Variants in PAN3 observed in about 807,000 individuals in gnomAD.
PAN3 encodes the protein PAN2-PAN3 deadenylation complex subunit PAN3.
A neutral mutation model predicts 96.2 loss-of-function variants in PAN3; 19 were observed. The ratio of observed to expected loss-of-function variants is 0.20; its 90% CI spans 0.14 to 0.29. The LOEUF (loss-of-function observed/expected upper bound fraction) is 0.29. PAN3 is among the 10% of genes least tolerant of loss of function. The pLI, the probability that PAN3 is intolerant of heterozygous loss-of-function variation, is 1.00. For synonymous variants in PAN3, 433 were observed against 406.6 expected, an observed-to-expected ratio of 1.06 and a Z score of -0.78; for missense variants, 882 against 1,108.1, an observed-to-expected ratio of 0.80 and a Z score of 2.90.
chr13:28,225,290 G>A (rs1052640003), intron 6 of PAN3, among the ~76,000 whole-genome samples: 1 of 152,112 alleles, frequency 6.6e-6, no homozygotes, highest in Non-Finnish European at 1.5e-5. Flanking sequence ...TTTTATGAAC[G>A]TTGTAGACTA....
In PAN3 at chr13:28,176,519, A is replaced by G. The variant is rs142746603; in HGVS notation, c.579A>G (p.Pro193=). The change falls in exon 3 of 19, where the codon CCA becomes CCG. Residue 193 remains proline, a synonymous_variant. Transcript: ENST00000380958. The part of the protein sequence containing the change: ...MQRMTNSSSS[P]SLLNDSAKPY... ...GAATGACTAATAGTAGCAGCTCCCC[A>G]AGCCTTCTAAATGACAGTGCCAAGC... 6.4e-5 allele frequency: 103 copies of G among 1,613,978 alleles called. No individual in the cohort carries two copies. The African/African-American group carries it at 1.2e-3, about 19-fold the overall frequency.
At chr13:28,239,708 T>G (rs1245919209) in intron 6 of PAN3, 2 of 1,260,062 alleles carry the variant, frequency 1.6e-6, no homozygotes, top group African/African-American at 1.5e-5. Context: ...TCTGTTTGTT[T>G]AACTGAAGGG....
intron 1 of PAN3, among the ~76,000 whole-genome samples, chr13:28,160,980 G>A (rs1309487466): frequency 7.2e-5 from 11 of 152,234 alleles, no homozygotes; most frequent in East Asian, 5.8e-4. Flanking sequence ...TAATTTCTTC[G>A]AATAGTTTAG....
At chr13:28,206,231 T>G (rs146692691) in intron 5 of PAN3, among the ~76,000 whole-genome samples, 2 of 152,264 alleles carry the variant, frequency 1.3e-5, no homozygotes, top group East Asian at 1.9e-4. Context: ...TTTTTCACCT[T>G]TTGTTCATCC....
chr13:28,198,100 C>G (rs754374379), intron 5 of PAN3, among the ~76,000 whole-genome samples: 1 of 151,726 alleles, frequency 6.6e-6, no homozygotes, highest in Non-Finnish European at 1.5e-5. Context: ...TGGTGAAACC[C>G]CGTCTCTACA....
At chr13:28,243,892 T>G (rs1883921181) in intron 6 of PAN3, among the ~76,000 whole-genome samples, 1 of 152,184 alleles carries the variant, frequency 6.6e-6, no homozygotes, top group African/African-American at 2.4e-5. Context: ...TTCACCATGT[T>G]GGTCAGGCTG....
intron 1 of PAN3, among the ~76,000 whole-genome samples, chr13:28,159,775 A>T (rs1872674991): frequency 6.6e-6 from 1 of 151,848 alleles, no homozygotes; most frequent in Admixed American, 6.6e-5. Context: ...GAGCAGGGAG[A>T]GTAGGAGGAG....
Position 28,174,353 on chromosome 13 carries a change from G to T in PAN3, c.512G>T (p.Gly171Val). The T allele has an allele frequency of 6.2e-7, 1 of 1,613,224 alleles. No individual in the cohort carries two copies. Among genetic ancestry groups the T allele is most frequent in the Non-Finnish European group, 8.5e-7 (1 of 1,179,270 alleles). The change falls in exon 2 of 19, where the codon GGA becomes GTA. Residue 171 changes from glycine to valine, a missense_variant. Gly to Val is a moderately radical substitution (Grantham distance 109). Around this residue, in one of 3 missense-constraint regions of PAN3, gnomAD observed 442 missense variants for 422.8 expected, o/e 1.05. Transcript: ENST00000380958. ...YFSTSFIGVN[G>V]FGSPVETKYP... ...AGCACCAGCTTTATTGGAGTCAATG[G>T]ATTTGGAAGCCCTGTAGAAACAAAA...
intron 18 of PAN3, among the ~76,000 whole-genome samples, chr13:28,288,442 G>A (rs1869260526): frequency 6.6e-6 from 1 of 152,070 alleles, no homozygotes; most frequent in Non-Finnish European, 1.5e-5. Flanking sequence ...TAGGATTACA[G>A]GCACCCATCA....
chr13:28,185,984 A>C (rs1876412577), intron 4 of PAN3, among the ~76,000 whole-genome samples: 1 of 152,188 alleles, frequency 6.6e-6, no homozygotes, highest in Non-Finnish European at 1.5e-5. Flanking sequence ...TGAACTTAAA[A>C]TTCTCATCCA....
intron 5 of PAN3, among the ~76,000 whole-genome samples, chr13:28,207,599 T>A (rs990272528): frequency 7.9e-5 from 12 of 152,012 alleles, no homozygotes; most frequent in Admixed American, 3.3e-4. Context: ...GATGTACCCT[T>A]CCTTCTGTCT....
chr13:28,262,446 T>G (rs969110280), intron 9 of PAN3, among the ~76,000 whole-genome samples: 2 of 152,202 alleles, frequency 1.3e-5, no homozygotes, highest in African/African-American at 4.8e-5. Flanking sequence ...GTCTCTTGAT[T>G]GCTAAAGAAT....
At chr13:28,274,764 T>A (rs1886926038) in intron 14 of PAN3, among the ~76,000 whole-genome samples, 1 of 152,212 alleles carries the variant, frequency 6.6e-6, no homozygotes, top group Non-Finnish European at 1.5e-5. Context: ...AGGCTTTCTT[T>A]TTTTGGGTAT....
At chr13:28,167,081 A>ATTTTTTT (rs1566151683) in intron 1 of PAN3, among the ~76,000 whole-genome samples, 1 of 127,620 alleles carries the variant, frequency 7.8e-6, no homozygotes, top group African/African-American at 3.2e-5. Context: ...TTTTTATCTT[A>ATTTTTTT]ATTTTTTTTT....
At chr13:28,283,055 CT>C (rs888207274) in intron 17 of PAN3, among the ~76,000 whole-genome samples, 67 of 146,228 alleles carry the variant, frequency 4.6e-4, no homozygotes, top group Admixed American at 4.8e-4. Flanking sequence ...AAAATTTTTC[CT>C]TTTTTTTTTT....
intron 1 of PAN3, among the ~76,000 whole-genome samples, chr13:28,143,071 A>C (rs920487293): frequency 3.3e-5 from 5 of 152,022 alleles, no homozygotes; most frequent in African/African-American, 1.2e-4. Flanking sequence ...TGATGTTTCA[A>C]CCTTATAAGG....
intron 1 of PAN3, among the ~76,000 whole-genome samples, chr13:28,164,330 C>T (rs1220781549): frequency 6.6e-6 from 1 of 152,086 alleles, no homozygotes; most frequent in Non-Finnish European, 1.5e-5. Context: ...ACTTTGTGGC[C>T]AGTAAATGGC....
In PAN3 at chr13:28,281,338, T is replaced by C. The variant is rs45535432; in HGVS notation, c.2343T>C (p.Phe781=). 1.1e-3 allele frequency: 1,753 copies of C among 1,611,694 alleles called. 18 individuals carry two copies. In the African/African-American group the frequency reaches 0.021, roughly 19 times the overall value. ...LAKEVQNGRL[F]RLLAKLGTIN... ...AGGAGGTTCAAAATGGAAGACTGTT[T>C]AGGCTCCTAGCAAAATTGGGAACAA... The change falls in exon 17 of 19, where the codon TTT becomes TTC. Residue 781 remains phenylalanine (F), a synonymous_variant. Transcript: ENST00000380958.
chr13:28,242,125 T>C (rs909651029), intron 6 of PAN3, among the ~76,000 whole-genome samples: 2 of 152,212 alleles, frequency 1.3e-5, no homozygotes, highest in African/African-American at 4.8e-5. Context: ...TTCCTTCACA[T>C]TCCTCTATTT....
Sources: gnomAD v4.1 joint callset for allele counts (sites outside exome capture counted in the v4.1 genomes callset) on GRCh38, gnomAD v4.1.1 for gene constraint, gnomAD v4.1.1 regional missense constraint, MANE v1.5 for transcripts, NCBI Gene and HGNC (gene_info 2026-07-23, HGNC 2026-07-21) for gene names.